Variants in ITGAE observed in about 807,000 individuals in gnomAD.
ITGAE encodes integrin subunit alpha E.
A neutral mutation model predicts 136.5 loss-of-function variants in ITGAE; 99 were observed. That is an observed-to-expected ratio of 0.73 (90% CI 0.62 to 0.86). The LOEUF (loss-of-function observed/expected upper bound fraction) is 0.86. Ranked by LOEUF, ITGAE falls within the 40% of genes least tolerant of loss-of-function variation. ITGAE has a pLI of 0.00. For synonymous variants in ITGAE, 613 were observed against 591.8 expected (o/e 1.04, Z -0.52); for missense variants, 1,447 against 1,515.3 (o/e 0.95, Z 0.75).
At chr17:3,734,671 G>A in intron 21 of ITGAE, 146 bp downstream of exon 21, 1 of 962,100 alleles carries the variant, frequency 1.0e-6, no homozygotes, top group South Asian at 1.5e-5. Context: ...GACTGGCGGG[G>A]ATTTATCTAG....
chr17:3,720,310 A>C lies in ITGAE; in HGVS notation c.3330T>G (p.Thr1110=). The change falls in exon 29 of 31, where the codon ACT becomes ACG. Residue 1110 remains threonine, a synonymous_variant. Transcript: ENST00000263087. ...TCAGAAGCCAGCCAGGAATTACCTTAGTTCTGTGGTTCTCTGCATTCAGTC... is the reference window on the plus strand; with the variant it reads ...TCAGAAGCCAGCCAGGAATTACCTTCGTTCTGTGGTTCTCTGCATTCAGTC... The part of the protein sequence containing the change: ...YEGLNAENHR[T]KITVVFLKDE... 2 of 1,519,366 alleles carry C rather than the reference A, an allele frequency of 1.3e-6. No homozygotes were observed. The highest frequency in any genetic ancestry group is 2.7e-5 in the African/African-American group (2 of 73,162). 94.1% of individuals were successfully genotyped at this position (1,519,366 alleles called of 1,614,324 possible). A position where few individuals can be genotyped will look rare whatever the true frequency, so the allele number is the denominator to read the frequency against.
At chr17:3,726,094 A>C in intron 26 of ITGAE, 8 of 1,614,172 alleles carry the variant, frequency 5.0e-6, no homozygotes, top group Non-Finnish European at 6.8e-6. Context: ...TACCAGTTTG[A>C]CATCTACAGG....
chr17:3,725,457 G>A (rs199722351), intron 26 of ITGAE: 7 of 1,613,566 alleles, frequency 4.3e-6, no homozygotes, highest in Admixed American at 3.3e-5. Flanking sequence ...TCACACACCC[G>A]TAGCCATAAA....
At chr17:3,792,400 A>T (rs540799004) in intron 1 of ITGAE, among the ~76,000 whole-genome samples, 1 of 152,296 alleles carries the variant, frequency 6.6e-6, no homozygotes, top group African/African-American at 2.4e-5. Flanking sequence ...TACACGCGTG[A>T]GCCACCGCGC....
chr17:3,782,615 G>A (rs771603968), intron 1 of ITGAE, among the ~76,000 whole-genome samples: 39 of 151,914 alleles, frequency 2.6e-4, no homozygotes, highest in Non-Finnish European at 4.9e-4. Context: ...TGATTCAGCC[G>A]TTCAACGTGC....
At chr17:3,721,264 T>A (rs1330778978) in intron 28 of ITGAE, among the ~76,000 whole-genome samples, 2 of 118,048 alleles carry the variant, frequency 1.7e-5, no homozygotes, top group African/African-American at 7.0e-5. Context: ...TTTTTCCTTT[T>A]TTTTTTTTTT....
rs1259863057 is a variant in ITGAE, at chr17:3,799,236, C to A, written c.34+1875G>T. On this transcript the variant is annotated intron_variant, in intron 1 of 30. Coordinates refer to ENST00000263087, the MANE Select transcript of ITGAE (RefSeq NM_002208.5). This position sits in a 1 kb window ranked among gnomAD's most constrained non-coding sequence, Gnocchi z 4.1. ...GGACTGGCCCATCCTAGTCTCAGGA[C>A]CTCACAGCATGGAGCAGAACTGCAG... Among the ~76,000 whole-genome samples the A allele has an allele frequency of 1.3e-5, 2 of 152,194 alleles. No homozygotes were observed. The highest frequency in any genetic ancestry group is 2.9e-5 in the Non-Finnish European group (2 of 68,036).
intron 1 of ITGAE, among the ~76,000 whole-genome samples, chr17:3,783,329 C>G (rs764869957): frequency 6.6e-6 from 1 of 151,888 alleles, no homozygotes; most frequent in South Asian, 2.1e-4. Flanking sequence ...TTAGTAGAGA[C>G]GAGGTTTCAC....
At chr17:3,764,916 G>A (rs370345198) in intron 2 of ITGAE, among the ~76,000 whole-genome samples, 1 of 152,154 alleles carries the variant, frequency 6.6e-6, no homozygotes, top group Non-Finnish European at 1.5e-5. Context: ...AGCTCCGGGG[G>A]TTGTCATAGG....
intron 1 of ITGAE, among the ~76,000 whole-genome samples, chr17:3,796,148 CGTGTGT>C (rs71155807): frequency 1.2e-4 from 16 of 130,388 alleles, no homozygotes; most frequent in African/African-American, 4.4e-4. Context: ...TGTGTGCATC[CGTGTGT>C]GTGTGTGTGT....
Position 3,746,044 on chromosome 17 carries a change from T to C in ITGAE, c.2156-117A>G, listed in dbSNP as rs1048919542. 5.6e-6 allele frequency: 5 copies of C among 885,084 alleles called. No individual in the cohort carries two copies. The Admixed American group carries it at 1.3e-4, about 23-fold the overall frequency. The allele number at this position is 885,084 out of a possible 1,614,324, so 54.8% of individuals were successfully genotyped here. A position where few individuals can be genotyped will look rare whatever the true frequency, so the allele number is the denominator to read the frequency against. ...CTCCTGAACAGTGTCCCCATGCAGG[T>C]ACTTCCCTGCGGCTGGACTCCTGCG... On this transcript the variant is annotated intron_variant, in intron 17 of 30. Transcript: ENST00000263087.
In ITGAE at chr17:3,785,506, GGAA is replaced by G. The variant is rs1215995682; in HGVS notation, c.35-7849_35-7847del. ...AAGGAAGGAAGGAAGGAGGAAGGAA[GGAA>G]GGAAGGAAGGAAGGAAGGAAGGAAG... On this transcript the variant is annotated intron_variant, in intron 1 of 30. Transcript: ENST00000263087. 4.0e-5 allele frequency among the ~76,000 whole-genome samples: 5 copies of G among 125,902 alleles called. No individual in the cohort carries two copies. The South Asian group carries it at 7.9e-4, about 20-fold the overall frequency. 82.6% of individuals were successfully genotyped at this position (125,902 alleles called of 152,430 possible).
chr17:3,754,395 C>T (rs930227197), intron 12 of ITGAE, among the ~76,000 whole-genome samples: 4 of 152,194 alleles, frequency 2.6e-5, no homozygotes, highest in Non-Finnish European at 5.9e-5. Context: ...CCTCAGCCTT[C>T]CGAGTACGTG....
At chr17:3,796,964 C>T (rs1418630556) in intron 1 of ITGAE, among the ~76,000 whole-genome samples, 3 of 151,868 alleles carry the variant, frequency 2.0e-5, no homozygotes, top group Non-Finnish European at 2.9e-5. Context: ...GAGGACTGTG[C>T]CTCAGAGCCA....
At chr17:3,716,328 G>T (rs4790536) in intron 30 of ITGAE, among the ~76,000 whole-genome samples, 4 of 151,978 alleles carry the variant, frequency 2.6e-5, no homozygotes, top group South Asian at 2.1e-4. Flanking sequence ...TCTGTTTTAA[G>T]GCCTTACCGT....
rs562952317 is a variant in ITGAE at position 3,715,248 on chromosome 17, T to C, written c.3445-306A>G. Among the ~76,000 whole-genome samples the C allele has an allele frequency of 2.6e-4, 40 of 152,222 alleles. 1 individual carries two copies. Among genetic ancestry groups the C allele is most frequent in the Non-Finnish European group, 1.0e-4 (7 of 68,042 alleles). ...GCTGTACTGGATCTAATCTTATTTA[T>C]GCAAAAATACTCAGTATAGCCTATG... On this transcript the variant is annotated intron_variant, in intron 30 of 30. Transcript: ENST00000263087.
Position 3,723,382 on chromosome 17 carries a change from T to G in ITGAE, c.3143A>C (p.His1048Pro). The stretch of plus-strand genomic sequence containing the variant: ...GCTCACTGAATGCCATTCTTCCACA[T>G]GCTGGAAAAGCGAGGTCTAGTGAAC... The part of the protein sequence containing the change: ...ERACAYSSVQ[H>P]VEEWHSVSCV... The change falls in exon 28 of 31, where the codon CAT (histidine) becomes CCT (proline). Residue 1048 changes from histidine to proline, a missense_variant and splice_region_variant. Transcript: ENST00000263087. 6.2e-7 allele frequency: 1 copy of G among 1,610,812 alleles called. No individual in the cohort carries two copies. Among genetic ancestry groups the G allele is most frequent in the Non-Finnish European group, 8.5e-7 (1 of 1,176,988 alleles).
At chr17:3,731,795 G>A (rs1039566253) in intron 22 of ITGAE, among the ~76,000 whole-genome samples, 7 of 151,788 alleles carry the variant, frequency 4.6e-5, no homozygotes, top group Non-Finnish European at 8.8e-5. Flanking sequence ...CGTCTTGGCC[G>A]GGCATGGTGG....
chr17:3,760,003 G>A lies in ITGAE; in HGVS notation c.714+169C>T, dbSNP rs187229790. On this transcript the variant is annotated intron_variant, in intron 7 of 30. Coordinates refer to ENST00000263087, the MANE Select transcript of ITGAE (RefSeq NM_002208.5). ...TCCAGCCCCAGTCAAGCAACCAGAC[G>A]CCTGCAGCTCCAGGGTAACTCCAGG... Among the ~76,000 whole-genome samples, 730 of 152,258 alleles carry A rather than the reference G, an allele frequency of 4.8e-3. 4 individuals are homozygous for A. Among genetic ancestry groups the A allele is most frequent in the Non-Finnish European group, 3.8e-3 (256 of 68,028 alleles).
Sources: gnomAD v4.1 joint callset for allele counts (sites outside exome capture counted in the v4.1 genomes callset) on GRCh38, gnomAD v4.1.1 for gene constraint, Gnocchi (gnomAD v3.1) non-coding constraint, MANE v1.5 for transcripts, NCBI Gene and HGNC (gene_info 2026-07-23, HGNC 2026-07-21) for gene names.